The following LY75 variants were observed in gnomAD, a reference collection of about 807,000 sequenced individuals.
LY75 encodes the protein C-type lectin domain family 13 member B.
LY75 carries 185 observed loss-of-function variants against 231.7 expected under a neutral mutation model. That is an observed-to-expected ratio of 0.80 (90% CI 0.71 to 0.90). The LOEUF (loss-of-function observed/expected upper bound fraction) is 0.90. Among genes scored for constraint, LY75 ranks in the 40% least tolerant of loss-of-function variants. The pLI, the probability that LY75 is intolerant of heterozygous loss-of-function variation, is 0.00. For synonymous variants in LY75, 668 were observed against 689.0 expected, an observed-to-expected ratio of 0.97 and a Z score of 0.48; for missense variants, 1,947 against 2,050.2, an observed-to-expected ratio of 0.95 and a Z score of 0.97.
rs115394508 is a variant in LY75 at position 159,857,374 on chromosome 2, T to G, written c.2383+988A>C. Among the ~76,000 whole-genome samples, 508 of 152,360 alleles carry G rather than the reference T, an allele frequency of 3.3e-3. 4 individuals carry two copies. Among genetic ancestry groups the G allele is most frequent in the African/African-American group, 0.012 (500 of 41,580 alleles). ...TTTAGTTTCAATGATCTGTTTACAT[T>G]CAGTTCAGAGATTTCTTTAAAAACC... On this transcript the variant is annotated intron_variant, in intron 16 of 34. Transcript: ENST00000263636.
At chr2:159,897,752 G>A (rs542740848) in intron 2 of LY75, among the ~76,000 whole-genome samples, 1 of 152,290 alleles carries the variant, frequency 6.6e-6, no homozygotes, top group East Asian at 1.9e-4. Flanking sequence ...TATGCATATC[G>A]ACATTTGGTG....
intron 28 of LY75, among the ~76,000 whole-genome samples, chr2:159,831,377 G>A (rs557703056): frequency 4.6e-5 from 7 of 152,302 alleles, no homozygotes; most frequent in East Asian, 3.9e-4. Context: ...CTGTGGAACC[G>A]TGACTCAATT....
intron 1 of LY75, among the ~76,000 whole-genome samples, chr2:159,901,737 T>C (rs1452680680): frequency 6.6e-5 from 10 of 152,246 alleles, no homozygotes; most frequent in Admixed American, 6.5e-4. Context: ...AATATAGATG[T>C]TTTTCTCAGA....
Position 159,850,287 on chromosome 2 carries a change from T to C in LY75, c.2989+75A>G, listed in dbSNP as rs187974400. 155 of 1,560,388 alleles carry C rather than the reference T, an allele frequency of 9.9e-5. No homozygotes were observed. The African/African-American group carries it at 1.9e-3, about 19-fold the overall frequency. ...AAGTTTAATAAGAATTTTTGTATGT[T>C]AATTCCCCATAGCCTCCTAAAACTA... On this transcript the variant is annotated intron_variant, in intron 22 of 34. Coordinates refer to ENST00000263636, the MANE Select transcript of LY75 (RefSeq NM_002349.4).
intron 4 of LY75, among the ~76,000 whole-genome samples, chr2:159,888,664 T>C (rs1418538861): frequency 6.6e-6 from 1 of 152,196 alleles, no homozygotes; most frequent in Admixed American, 6.5e-5. Flanking sequence ...GCTTAATATA[T>C]AGCAATAAAG....
chr2:159,877,028 A>AAAAAAAAAAAAAAAG (rs1553810533), intron 11 of LY75, among the ~76,000 whole-genome samples: 9 of 117,148 alleles, frequency 7.7e-5, no homozygotes, highest in East Asian at 2.7e-4. Context: ...AAAAAAAAAA[A>AAAAAAAAAAAAAAAG]AAAAAAGAAA....
chr2:159,890,182 A>G, intron 4 of LY75, 31 bp downstream of exon 4: 1 of 1,587,308 alleles, frequency 6.3e-7, no homozygotes, highest in African/African-American at 1.4e-5. Context: ...ATTTTAGCCA[A>G]TTTGCTCTAT....
chr2:159,886,738 T>C lies in LY75; in HGVS notation c.803-208A>G, dbSNP rs550763201. Among the ~76,000 whole-genome samples the C allele has an allele frequency of 4.6e-5, 7 of 152,270 alleles. No individual in the cohort carries two copies. In the East Asian group the frequency reaches 1.4e-3, roughly 29 times the overall value. On this transcript the variant is annotated intron_variant, in intron 4 of 34. Transcript: ENST00000263636. The stretch of plus-strand genomic sequence containing the variant: ...AGAAACCCAAAGGCTGATAAGTTAA[T>C]TCAGTTCTGCTCTCCTATTAGCTTG...
intron 18 of LY75, 103 bp downstream of exon 18, chr2:159,854,256 GA>G: frequency 1.1e-6 from 1 of 914,472 alleles, no homozygotes; most frequent in East Asian, 3.6e-5. Flanking sequence ...TTACATTAAA[GA>G]AAAATTTAAC....
At chr2:159,899,958 G>C (rs55772060) in intron 1 of LY75, among the ~76,000 whole-genome samples, 12,575 of 152,220 alleles carry the variant, frequency 0.083, 712 homozygotes, top group Non-Finnish European at 0.13. Flanking sequence ...AAGGCGACAG[G>C]GCCTGGGGAA....
chr2:159,894,158 A>T, intron 2 of LY75, 74 bp from the exon 3 acceptor site: 1 of 1,495,080 alleles, frequency 6.7e-7, no homozygotes, highest in Non-Finnish European at 9.0e-7. Context: ...AATTTCTAAA[A>T]CTGTTTTTAA....
rs145158291 is a variant in LY75 at position 159,805,107 on chromosome 2, T to C, written c.5106A>G (p.Ser1702=). Residue 1702 remains serine (S), a synonymous_variant, in exon 35 of 35, where the codon TCA becomes TCG. Coordinates refer to ENST00000263636, the MANE Select transcript of LY75 (RefSeq NM_002349.4). ...TCACTCCTTGTGCATATCGAACTGA[T>C]GAGAAACCCGCCAGGTGCAAACGGT... is the stretch of plus-strand genomic sequence containing the variant. ...QRHRLHLAGF[S]SVRYAQGVNE... The C allele has an allele frequency of 9.9e-6, 16 of 1,610,520 alleles. No individual in the cohort carries two copies. Among genetic ancestry groups the C allele is most frequent in the African/African-American group, 1.3e-5 (1 of 74,966 alleles).
intron 26 of LY75, among the ~76,000 whole-genome samples, chr2:159,834,844 A>G (rs918206288): frequency 1.3e-5 from 2 of 152,220 alleles, no homozygotes; most frequent in African/African-American, 4.8e-5. Context: ...CCTGGATCAC[A>G]ATAAGTCCCT....
At chr2:159,823,972 C>G (rs1454663024) in intron 28 of LY75, among the ~76,000 whole-genome samples, 1 of 152,160 alleles carries the variant, frequency 6.6e-6, no homozygotes, top group East Asian at 1.9e-4. Context: ...AAAGGAAAAA[C>G]CGGTACCAGC....
At chr2:159,876,711 A>C (rs73000753) in intron 11 of LY75, among the ~76,000 whole-genome samples, 26,111 of 151,986 alleles carry the variant, frequency 0.17, 2,590 homozygotes, top group East Asian at 0.36. Context: ...CTTAGTGTCT[A>C]TAAAACAAAT....
Position 159,816,943 on chromosome 2 carries a change from A to G in LY75, c.4243T>C (p.Trp1415Arg), listed in dbSNP as rs756251427. The change falls in exon 30 of 35, where the codon TGG (tryptophan) becomes CGG (arginine). Residue 1415 changes from tryptophan (W) to arginine (R), a missense_variant. Physicochemically the swap from Trp to Arg is moderately radical, Grantham distance 101 (BLOSUM62 -3). Coordinates refer to ENST00000263636, the MANE Select transcript of LY75 (RefSeq NM_002349.4). ...IYSVIQKKVT[W>R]YEALNMCSQS... is the part of the protein sequence containing the mutation. Reference sequence around the variant, plus strand: ...GAACACATGTTTAATGCTTCATACCATGTTACCTTTTTTTGAATAACACTG... The same window carrying G: ...GAACACATGTTTAATGCTTCATACCGTGTTACCTTTTTTTGAATAACACTG... 5 of 1,614,090 alleles carry G rather than the reference A, an allele frequency of 3.1e-6. No homozygotes were observed. The highest frequency in any genetic ancestry group is 1.3e-5 in the African/African-American group (1 of 74,942).
intron 3 of LY75, among the ~76,000 whole-genome samples, chr2:159,893,565 C>T (rs1192343973): frequency 6.6e-6 from 1 of 152,176 alleles, no homozygotes; most frequent in Non-Finnish European, 1.5e-5. Context: ...GTTCATGCTT[C>T]ATTCCACTAC....
At chr2:159,872,642 T>C (rs765324856) in intron 12 of LY75, 49 bp from the exon 13 acceptor site, 3 of 1,588,012 alleles carry the variant, frequency 1.9e-6, no homozygotes, top group African/African-American at 2.7e-5. Flanking sequence ...TCATAAAGTA[T>C]TTCATAGTGC....
intron 14 of LY75, among the ~76,000 whole-genome samples, chr2:159,861,292 T>C (rs1235353244): frequency 6.6e-6 from 1 of 152,128 alleles, no homozygotes; most frequent in Non-Finnish European, 1.5e-5. Flanking sequence ...GGAGGTGACA[T>C]TGGAGTCACC....
Sources: gnomAD v4.1 joint callset for allele counts (sites outside exome capture counted in the v4.1 genomes callset) on GRCh38, gnomAD v4.1.1 for gene constraint, MANE v1.5 for transcripts, NCBI Gene and HGNC (gene_info 2026-07-23, HGNC 2026-07-21) for gene names.